The following ODF2L variants were observed in gnomAD, a reference collection of about 807,000 sequenced individuals.
ODF2L encodes the protein protein BCAP.
ODF2L carries 76 observed loss-of-function variants against 86.3 expected under a neutral mutation model. That is an observed-to-expected ratio of 0.88 (90% CI 0.73 to 1.07). The LOEUF (loss-of-function observed/expected upper bound fraction) is 1.07. Ranked by LOEUF, ODF2L falls within the 50% of genes least tolerant of loss-of-function variation. ODF2L has a pLI of 0.00. For synonymous variants in ODF2L, 241 were observed against 231.3 expected (o/e 1.04, Z -0.38); for missense variants, 748 against 717.4 (o/e 1.04, Z -0.49).
At chr1:86,381,067 T>G (rs1228218329) in intron 7 of ODF2L, among the ~76,000 whole-genome samples, 1 of 152,060 alleles carries the variant, frequency 6.6e-6, no homozygotes, top group Non-Finnish European at 1.5e-5. Context: ...CAAAAGTGTG[T>G]GAGAGAAAAT....
intron 1 of ODF2L, among the ~76,000 whole-genome samples, chr1:86,395,758 TTCTGCACAAGC>T: frequency 6.6e-6 from 1 of 152,310 alleles, no homozygotes; most frequent in East Asian, 1.9e-4. Context: ...CAGGACTTCG[TTCTGCACAAGC>T]CCACCTCACG....
At chr1:86,367,261 A>T (rs1254682915) in intron 11 of ODF2L, among the ~76,000 whole-genome samples, 1 of 152,198 alleles carries the variant, frequency 6.6e-6, no homozygotes, top group Non-Finnish European at 1.5e-5. Context: ...GACAGAATAA[A>T]GGCATTTTTA....
chr1:86,390,826 T>C (rs1261523496), intron 1 of ODF2L, among the ~76,000 whole-genome samples: 2 of 152,188 alleles, frequency 1.3e-5, no homozygotes, highest in Non-Finnish European at 2.9e-5. Context: ...CTGGAAGTCC[T>C]AGCCAGAGCA....
intron 8 of ODF2L, among the ~76,000 whole-genome samples, chr1:86,374,019 T>C (rs749440649): frequency 1.3e-5 from 2 of 152,192 alleles, no homozygotes; most frequent in Admixed American, 6.5e-5. Context: ...GCCTCCGCTC[T>C]ACATTCTACA....
At chr1:86,385,680 T>C (rs1660905205) in intron 2 of ODF2L, 90 bp from the exon 3 acceptor site, 8 of 910,176 alleles carry the variant, frequency 8.8e-6, no homozygotes, top group Middle Eastern at 2.9e-4. Context: ...TACAGTACTC[T>C]TAATAGCAAG....
chr1:86,354,191 C>T (rs561871025), intron 16 of ODF2L, among the ~76,000 whole-genome samples: 1 of 152,328 alleles, frequency 6.6e-6, no homozygotes, highest in Non-Finnish European at 1.5e-5. Flanking sequence ...GGGACTTGAA[C>T]TTTACAGCTC....
intron 11 of ODF2L, among the ~76,000 whole-genome samples, chr1:86,366,616 A>AAAAAAAT: frequency 6.6e-6 from 1 of 151,390 alleles, no homozygotes; most frequent in Non-Finnish European, 1.5e-5. Flanking sequence ...AAAAAAAAAA[A>AAAAAAAT]GTGCCAATTG....
At chr1:86,362,880 C>T (rs1659144298) in intron 11 of ODF2L, among the ~76,000 whole-genome samples, 1 of 152,078 alleles carries the variant, frequency 6.6e-6, no homozygotes, top group Non-Finnish European at 1.5e-5. Context: ...GGCTGGTCTT[C>T]AAACTGAGCT....
chr1:86,351,820 T>C, exon 18 of ODF2L: 1 of 844,276 alleles, frequency 1.2e-6, no homozygotes, highest in Non-Finnish European at 1.4e-6. Flanking sequence ...TCCTTGTAAT[T>C]TGGATTCCTA....
rs188724697 is a variant in ODF2L at position 86,352,134 on chromosome 1, T to C, written c.*57A>G. 549 of 1,485,940 alleles carry C rather than the reference T, an allele frequency of 3.7e-4. 4 individuals carry two copies. In the African/African-American group the frequency reaches 7.3e-3, roughly 20 times the overall value. The allele number at this position is 1,485,940 out of a possible 1,614,324, so 92.0% of individuals were successfully genotyped here. On this transcript the variant is annotated 3_prime_UTR_variant, in exon 18 of 18. Transcript: ENST00000317336. Reference sequence around the variant, plus strand: ...TTGTGCATGCCAAAAATCATTTAACTCTTGAATCTTTTAGGTTTTCAACTT... The same window carrying C: ...TTGTGCATGCCAAAAATCATTTAACCCTTGAATCTTTTAGGTTTTCAACTT...
At chr1:86,373,028 G>C (rs1369920645) in intron 8 of ODF2L, among the ~76,000 whole-genome samples, 2 of 152,020 alleles carry the variant, frequency 1.3e-5, no homozygotes, top group African/African-American at 4.8e-5. Context: ...ACAGTGCTCG[G>C]GTGACAGGTG....
chr1:86,386,895 C>T lies in ODF2L; in HGVS notation c.113+20G>A. ...CCTAGAATCGGAAATTTAGATTTCC[C>T]CTGATACTGATGAGAATACCAGCTG... is the stretch of plus-strand genomic sequence containing the variant. On this transcript the variant is annotated intron_variant, in intron 2 of 17. Transcript: ENST00000317336. 8.0e-7 allele frequency: 1 copy of T among 1,246,390 alleles called. No homozygotes were observed. Among genetic ancestry groups the T allele is most frequent in the Non-Finnish European group, 1.2e-6 (1 of 854,698 alleles). 77.2% of individuals were successfully genotyped at this position (1,246,390 alleles called of 1,614,324 possible).
chr1:86,356,781 G>A (rs898036142), intron 13 of ODF2L, among the ~76,000 whole-genome samples, 179 bp from the exon 13 acceptor site: 4 of 152,038 alleles, frequency 2.6e-5, no homozygotes, highest in Admixed American at 2.6e-4. Context: ...TAAAAAGTGG[G>A]GTAGACTTTA....
chr1:86,371,254 G>A (rs936223856), intron 9 of ODF2L, 101 bp from the exon 10 acceptor site: 7 of 534,950 alleles, frequency 1.3e-5, no homozygotes, highest in Admixed American at 1.2e-4. Flanking sequence ...CGGGTGCATC[G>A]TTTCAAATAG....
chr1:86,348,590 C>T (rs1657920240), downstream of ODF2L: 1 of 564,218 alleles, frequency 1.8e-6, no homozygotes, highest in Non-Finnish European at 2.6e-6. Flanking sequence ...TTTAAAGTTT[C>T]AGTTAGATAA....
intron 8 of ODF2L, among the ~76,000 whole-genome samples, chr1:86,373,630 T>C (rs1349057120): frequency 6.6e-6 from 1 of 151,928 alleles, no homozygotes; most frequent in Non-Finnish European, 1.5e-5. Flanking sequence ...AATTTCATGC[T>C]CTATAGAGAG....
At chr1:86,367,115 T>C (rs1197527563) in intron 11 of ODF2L, among the ~76,000 whole-genome samples, 1 of 152,018 alleles carries the variant, frequency 6.6e-6, no homozygotes, top group African/African-American at 2.4e-5. Context: ...GGAACAAGTA[T>C]CAGAATGGTG....
chr1:86,386,179 G>C (rs369440603), intron 2 of ODF2L: 1 of 152,052 alleles, frequency 6.6e-6, no homozygotes, highest in African/African-American at 2.4e-5. Flanking sequence ...GCCATTTGAC[G>C]GGGGGCAATA....
chr1:86,371,909 C>T (rs1299896884), intron 9 of ODF2L, among the ~76,000 whole-genome samples: 2 of 151,968 alleles, frequency 1.3e-5, no homozygotes, highest in Non-Finnish European at 2.9e-5. Context: ...AAATGTGGGC[C>T]AGGCGTGGTG....
Sources: gnomAD v4.1 joint callset for allele counts (sites outside exome capture counted in the v4.1 genomes callset) on GRCh38, gnomAD v4.1.1 for gene constraint, MANE v1.5 for transcripts, NCBI Gene and HGNC (gene_info 2026-07-23, HGNC 2026-07-21) for gene names.